Variants in CPEB3 observed in about 807,000 individuals in gnomAD.
CPEB3 encodes cytoplasmic polyadenylation element binding protein 3, also known as cytoplasmic polyadenylation element-binding protein 3.
CPEB3 carries 20 observed loss-of-function variants against 67.2 expected under a neutral mutation model. That is an observed-to-expected ratio of 0.30 (90% CI 0.21 to 0.43). The LOEUF (loss-of-function observed/expected upper bound fraction) is 0.43, where lower values mean the gene tolerates loss of function less well. CPEB3 is among the 20% of genes least tolerant of loss of function. The pLI, the probability that CPEB3 is intolerant of heterozygous loss-of-function variation, is 1.00. For missense variants in CPEB3, 746 were observed against 968.6 expected (o/e 0.77, Z 3.05); for synonymous variants, 376 against 393.1 (o/e 0.96, Z 0.51).
chr10:92,272,628 T>C (rs1187833316), intron 1 of CPEB3, among the ~76,000 whole-genome samples: 1 of 152,184 alleles, frequency 6.6e-6, no homozygotes, highest in Non-Finnish European at 1.5e-5. Context: ...ACACCCTCCA[T>C]GGGCCAGGCT....
chr10:92,111,448 C>T (rs1185774364), intron 6 of CPEB3, among the ~76,000 whole-genome samples: 1 of 152,176 alleles, frequency 6.6e-6, no homozygotes, highest in Non-Finnish European at 1.5e-5. Context: ...TCTGGTTATC[C>T]TTAATGAGGG....
At chr10:92,151,469 A>T (rs963160108) in intron 4 of CPEB3, among the ~76,000 whole-genome samples, 4 of 152,222 alleles carry the variant, frequency 2.6e-5, no homozygotes, top group Non-Finnish European at 4.4e-5. Flanking sequence ...GTGACTTTGA[A>T]CAAAAAACAT....
At chr10:92,053,698 C>T (rs1013845243) in intron 9 of CPEB3, among the ~76,000 whole-genome samples, 14 of 152,246 alleles carry the variant, frequency 9.2e-5, no homozygotes, top group South Asian at 2.1e-4. Context: ...CCCGCCACCA[C>T]GCCTGGCTAA....
chr10:92,135,949 G>T (rs1846071073), intron 6 of CPEB3, among the ~76,000 whole-genome samples: 1 of 151,254 alleles, frequency 6.6e-6, no homozygotes, highest in Non-Finnish European at 1.5e-5. Flanking sequence ...CTCATAGGTG[G>T]GAATTGAACA....
chr10:92,169,088 T>C (rs1023300747), intron 4 of CPEB3, among the ~76,000 whole-genome samples: 1 of 150,188 alleles, frequency 6.7e-6, no homozygotes, highest in African/African-American at 2.5e-5. Flanking sequence ...GAGCTAACCG[T>C]GCCTGGCCTA....
intron 1 of CPEB3, among the ~76,000 whole-genome samples, chr10:92,268,245 A>T (rs1853148552): frequency 6.6e-6 from 1 of 152,142 alleles, no homozygotes; most frequent in Non-Finnish European, 1.5e-5. Context: ...TCCTAGTGAA[A>T]TGATTCACAG....
chr10:92,206,262 G>A (rs200580099), intron 2 of CPEB3, among the ~76,000 whole-genome samples: 25 of 151,902 alleles, frequency 1.6e-4, no homozygotes, highest in East Asian at 3.9e-4. Context: ...TAGCAGAAAC[G>A]GGATTTCGGC....
chr10:92,091,939 T>C lies in CPEB3; in HGVS notation c.1578A>G (p.Gln526=). 1 of 1,610,606 alleles carries C rather than the reference T, an allele frequency of 6.2e-7. No individual in the cohort carries two copies. Among genetic ancestry groups the C allele is most frequent in the Non-Finnish European group, 8.5e-7 (1 of 1,177,728 alleles). The part of the protein sequence containing the change: ...SSPTIKDKPV[Q]IRPWNLSDSD... Reference sequence around the variant, plus strand: ...TGTCACTTAGGTTCCATGGTCGAATTTGCACCTGAAAAAAAGTTGTTTACT... The same window carrying C: ...TGTCACTTAGGTTCCATGGTCGAATCTGCACCTGAAAAAAAGTTGTTTACT... Residue 526 remains glutamine, a synonymous_variant, in exon 8 of 10, where the codon CAA becomes CAG. Transcript: ENST00000265997.
chr10:92,220,297 T>C (rs934360860), intron 2 of CPEB3, among the ~76,000 whole-genome samples: 1 of 152,212 alleles, frequency 6.6e-6, no homozygotes, highest in Non-Finnish European at 1.5e-5. Context: ...AATCTGTCTT[T>C]GTTCTGTCTA....
chr10:92,168,489 G>A (rs1243060623), intron 4 of CPEB3, among the ~76,000 whole-genome samples: 1 of 151,836 alleles, frequency 6.6e-6, no homozygotes, highest in East Asian at 1.9e-4. Flanking sequence ...GTTTGACTAT[G>A]TCCCCACCCA....
intron 3 of CPEB3, among the ~76,000 whole-genome samples, chr10:92,190,575 G>A (rs1324953165): frequency 4.1e-5 from 6 of 145,768 alleles, no homozygotes; most frequent in African/African-American, 1.5e-4. Context: ...TGAGGCAGGA[G>A]AATCGCTTGA....
chr10:92,134,739 C>A (rs952735081), intron 6 of CPEB3, among the ~76,000 whole-genome samples: 2 of 151,938 alleles, frequency 1.3e-5, no homozygotes, highest in African/African-American at 4.8e-5. Flanking sequence ...AAGCTGGAGG[C>A]ATCATGCTAC....
At position 92,081,377 on chromosome 10, in the gene CPEB3, G is replaced by A. The variant is rs1462514349; in HGVS notation, c.1812C>T (p.Tyr604=). 6.2e-6 allele frequency: 10 copies of A among 1,614,192 alleles called. No homozygotes were observed. The Admixed American group carries it at 6.7e-5, about 11-fold the overall frequency. The change falls in exon 9 of 10, where the codon TAC becomes TAT. Residue 604 remains tyrosine (Y), a synonymous_variant. Coordinates refer to ENST00000265997, the MANE Select transcript of CPEB3 (RefSeq NM_014912.5). ...GRVAFSNQQS[Y]IAAISARFVQ... is the part of the protein sequence containing the mutation. ...CAAAACGAGCGCTGATGGCTGCAATGTAACTCTGCTGATTGGAGAATGCCA... is the reference window on the plus strand; with the variant it reads ...CAAAACGAGCGCTGATGGCTGCAATATAACTCTGCTGATTGGAGAATGCCA...
Position 92,091,852 on chromosome 10 carries a change from T to C in CPEB3, c.1665A>G (p.Gly555=). 6.2e-7 allele frequency: 1 copy of C among 1,611,046 alleles called. No homozygotes were observed. Among genetic ancestry groups the C allele is most frequent in the Non-Finnish European group, 8.5e-7 (1 of 1,177,722 alleles). Residue 555 remains glycine, a synonymous_variant, in exon 8 of 10, where the codon GGA becomes GGG. Coordinates refer to ENST00000265997, the MANE Select transcript of CPEB3 (RefSeq NM_014912.5). ...CACCAGCTCGAAGGGGTCGTGGAAC[T>C]CCCCCAACAAAGATAGTTTTTCTGG... is the stretch of plus-strand genomic sequence containing the variant. The part of the protein sequence containing the change: ...LDPRKTIFVG[G]VPRPLRAVEL...
rs1251418233 is a variant in CPEB3, at chr10:92,111,206, CA to C, written c.1454-13del. 1.3e-6 allele frequency: 2 copies of C among 1,503,180 alleles called. No individual in the cohort carries two copies. The highest frequency in any genetic ancestry group is 4.5e-5 in the East Asian group (2 of 44,320). 93.1% of individuals were successfully genotyped at this position (1,503,180 alleles called of 1,614,324 possible). A position where few individuals can be genotyped will look rare whatever the true frequency, so the allele number is the denominator to read the frequency against. On this transcript the variant is annotated splice_polypyrimidine_tract_variant and intron_variant, in intron 6 of 9. Transcript: ENST00000265997. The stretch of plus-strand genomic sequence containing the variant: ...CAGAAAGGCATAGCCTTGGGGAGAG[CA>C]AAAACAAAAGGGTAGAGGAAGAATC...
intron 9 of CPEB3, among the ~76,000 whole-genome samples, chr10:92,079,770 G>A (rs968521647): frequency 2.6e-5 from 4 of 152,162 alleles, no homozygotes; most frequent in Non-Finnish European, 5.9e-5. Flanking sequence ...AGTCAAAGTT[G>A]ACTGTAGAGG....
chr10:92,256,127 C>G (rs1299186781), intron 1 of CPEB3, among the ~76,000 whole-genome samples: 1 of 152,164 alleles, frequency 6.6e-6, no homozygotes, highest in Admixed American at 6.6e-5. Flanking sequence ...CCCTGAGAGA[C>G]AAGTCCAACT....
At chr10:92,202,231 A>G (rs1849556893) in intron 2 of CPEB3, among the ~76,000 whole-genome samples, 1 of 152,110 alleles carries the variant, frequency 6.6e-6, no homozygotes, top group Non-Finnish European at 1.5e-5. Flanking sequence ...TTAAACATAT[A>G]CTTAAGCACA....
intron 3 of CPEB3, among the ~76,000 whole-genome samples, chr10:92,188,121 G>A (rs1195462311): frequency 6.6e-6 from 1 of 151,918 alleles, no homozygotes; most frequent in Non-Finnish European, 1.5e-5. Flanking sequence ...GCTTGAGCCT[G>A]GGAGGTCAAG....
Sources: allele counts gnomAD v4.1 joint callset (sites outside exome capture counted in the v4.1 genomes callset), GRCh38; gene constraint gnomAD v4.1.1; transcripts MANE v1.5; gene names NCBI Gene and HGNC (gene_info 2026-07-23, HGNC 2026-07-21).